PIGO: variants seen among roughly 807,000 people sequenced by gnomAD.
The protein encoded by PIGO is GPI ethanolamine phosphate transferase 3, catalytic subunit.
A neutral mutation model predicts 86.9 loss-of-function variants in PIGO; 66 were observed. That is an observed-to-expected ratio of 0.76 (90% CI 0.62 to 0.93). PIGO has a LOEUF of 0.93. PIGO is among the 40% of genes least tolerant of loss of function. The pLI is 0.00. For synonymous variants in PIGO, 570 were observed against 556.4 expected, an observed-to-expected ratio of 1.02 and a Z score of -0.34; for missense variants, 1,202 against 1,359.1, an observed-to-expected ratio of 0.88 and a Z score of 1.82.
rs752370056 is a variant in PIGO at position 35,092,111 on chromosome 9, G to C, written c.1776C>G (p.Gly592=). 6.8e-6 allele frequency: 11 copies of C among 1,614,100 alleles called. No homozygotes were observed. In the African/African-American group the frequency reaches 1.5e-4, roughly 22 times the overall value. Residue 592 remains glycine, a synonymous_variant, in exon 7 of 11, where the codon GGC becomes GGG. Transcript: ENST00000378617. ...LLLVVQLHWE[G]QLLPPKLLTM... is the part of the protein sequence containing the mutation. ...TGAGTAGCTTAGGTGGAAGCAGCTG[G>C]CCCTCCCAGTGAAGCTGGACAACCA...
Position 35,095,501 on chromosome 9 carries a change from G to A in PIGO, c.65C>T (p.Ala22Val). ...WVCFLFYAGI[A>V]LFTSGFLLTR... ...GAGCAGGAAGCCACTGGTGAAGAGG[G>A]CAATGCCAGCGTAGAAGAGGAAGCA... is the stretch of plus-strand genomic sequence containing the variant. The change falls in exon 2 of 11, where the codon GCC (alanine) becomes GTC (valine). Residue 22 changes from alanine (A) to valine (V), a missense_variant. By Grantham distance (64) the Ala-to-Val change is moderately conservative. Coordinates refer to ENST00000378617, the MANE Select transcript of PIGO (RefSeq NM_032634.4). 5 of 1,610,972 alleles carry A rather than the reference G, an allele frequency of 3.1e-6. No homozygotes were observed. The highest frequency in any genetic ancestry group is 1.1e-5 in the South Asian group (1 of 90,874).
chr9:35,095,262 C>T lies in PIGO; in HGVS notation c.304G>A (p.Gly102Ser), dbSNP rs1829615914. The change falls in exon 2 of 11, where the codon GGC (glycine) becomes AGC (serine). Residue 102 changes from glycine (G) to serine (S), a missense_variant. Coordinates refer to ENST00000378617, the MANE Select transcript of PIGO (RefSeq NM_032634.4). ...ATCCTCTGCAAGGAGCTTAGTTTGCCCAGGAAGGGTAGGGAGACAGGAGGC... is the reference window on the plus strand; with the variant it reads ...ATCCTCTGCAAGGAGCTTAGTTTGCTCAGGAAGGGTAGGGAGACAGGAGGC... ...REPPVSLPFL[G>S]KLSSLQRILE... The T allele has an allele frequency of 1.2e-6, 2 of 1,614,080 alleles. No individual in the cohort carries two copies. Among genetic ancestry groups the T allele is most frequent in the Non-Finnish European group, 1.7e-6 (2 of 1,180,010 alleles).
At position 35,093,998 on chromosome 9, in the gene PIGO, T is replaced by C. The variant is rs1478971715; in HGVS notation, c.682A>G (p.Ile228Val). Residue 228 changes from isoleucine (I) to valine (V), a missense_variant, in exon 4 of 11, where the codon ATT (isoleucine) becomes GTT (valine). Physicochemically the swap from Ile to Val is conservative, Grantham distance 29. Transcript: ENST00000378617. ...TMDSGEWDVL[I>V]AHFLGVDHCG... ...TGGTCCACACCCAGGAAGTGAGCAA[T>C]CAGCACGTCCCATTCACCACTGTCC... 1 of 1,614,076 alleles carries C rather than the reference T, an allele frequency of 6.2e-7. No homozygotes were observed. Among genetic ancestry groups the C allele is most frequent in the Non-Finnish European group, 8.5e-7 (1 of 1,180,022 alleles).
Position 35,093,127 on chromosome 9 carries a change from C to A in PIGO, c.1022G>T (p.Gly341Val), listed in dbSNP as rs747998691. 1.2e-6 allele frequency: 2 copies of A among 1,614,196 alleles called. No homozygotes were observed. The highest frequency in any genetic ancestry group is 4.5e-5 in the East Asian group (2 of 44,882). ...LGLPIPFGNI[G>V]EVMAELFSGG... Reference sequence around the variant, plus strand: ...TGAGAATAGCTCAGCCATCACTTCCCCGATATTCCCAAATGGGATGGGCAG... The same window carrying A: ...TGAGAATAGCTCAGCCATCACTTCCACGATATTCCCAAATGGGATGGGCAG... Residue 341 changes from glycine to valine, a missense_variant, in exon 6 of 11, where the codon GGG (glycine) becomes GTG (valine). Coordinates refer to ENST00000378617, the MANE Select transcript of PIGO (RefSeq NM_032634.4).
rs1829682227 is a variant in PIGO at position 35,096,544 on chromosome 9, G to A, written c.-391C>T. On this transcript the variant is annotated 5_prime_UTR_variant, in exon 1 of 11. Coordinates refer to ENST00000378617, the MANE Select transcript of PIGO (RefSeq NM_032634.4). ...GGGAATACCGGGGGGTGAGGTTCTC[G>A]GGAGACCCTGGCTCACCTGCAATGG... The A allele has an allele frequency of 2.0e-5, 3 of 153,008 alleles. No individual in the cohort carries two copies. The Admixed American group carries it at 2.0e-4, about 10-fold the overall frequency. The allele number at this position is 153,008 out of a possible 1,614,324, so 9.5% of individuals were successfully genotyped here. A position where few individuals can be genotyped will look rare whatever the true frequency, so the allele number is the denominator to read the frequency against.
In PIGO at chr9:35,088,840, C is replaced by T. The variant is rs977582480; in HGVS notation, c.*252G>A. On this transcript the variant is annotated 3_prime_UTR_variant, in exon 11 of 11. Transcript: ENST00000378617. ...GATTATAGGTGCAAGTCACCACGCC[C>T]GGCCTATTTTATTCCACTTCGGAGA... 2.1e-5 allele frequency: 9 copies of T among 419,316 alleles called. No homozygotes were observed. The highest frequency in any genetic ancestry group is 3.8e-5 in the Admixed American group (1 of 25,978). 26.0% of individuals were successfully genotyped at this position (419,316 alleles called of 1,614,324 possible). A position where few individuals can be genotyped will look rare whatever the true frequency, so the allele number is the denominator to read the frequency against.
chr9:35,094,939 T>G, intron 2 of PIGO, 116 bp downstream of exon 2: 1 of 1,371,418 alleles, frequency 7.3e-7, no homozygotes. Context: ...TTCTCCTCTG[T>G]CCCCCTACAC....
chr9:35,093,676 A>G, intron 4 of PIGO, 96 bp from the exon 5 acceptor site: 2 of 1,448,424 alleles, frequency 1.4e-6, no homozygotes, highest in African/African-American at 1.4e-5. Flanking sequence ...ATCCCCAGCT[A>G]TAACTCCATT....
chr9:35,089,479 C>T, intron 9 of PIGO, 29 bp from the exon 10 acceptor site: 1 of 1,613,948 alleles, frequency 6.2e-7, no homozygotes, highest in Non-Finnish European at 8.5e-7. Context: ...GGCCACGTTA[C>T]TTGTGAAGGA....
rs149439295 is a variant in PIGO at position 35,089,402 on chromosome 9, C to T, written c.3118G>A (p.Val1040Ile). ...CACTTAGGGGCAAACACTTTCCAGA[C>T]CATGAGATGCCTGCGAAGGATGGAG... ...AASILRRHLMVWKVFAPKFIF... is the reference protein window; with the variant it reads ...AASILRRHLMIWKVFAPKFIF... Residue 1040 changes from valine (V) to isoleucine (I), a missense_variant, in exon 10 of 11, where the codon GTC (valine) becomes ATC (isoleucine). Val to Ile is a conservative substitution (Grantham distance 29, BLOSUM62 3). Transcript: ENST00000378617. 2.0e-4 allele frequency: 317 copies of T among 1,614,056 alleles called. 1 individual carries two copies. The highest frequency in any genetic ancestry group is 1.1e-4 in the South Asian group (10 of 91,086).
Position 35,091,533 on chromosome 9 carries a change from C to T in PIGO, c.2354G>A (p.Gly785Asp), listed in dbSNP as rs894866706. 7.4e-6 allele frequency: 12 copies of T among 1,614,124 alleles called. No individual in the cohort carries two copies. The highest frequency in any genetic ancestry group is 1.0e-5 in the Non-Finnish European group (12 of 1,180,024). ...RTRTVLTPFS[G>D]PPTSQADLDY... is the part of the protein sequence containing the mutation. ...CAAGTCAGCTTGAGAAGTGGGGGGG[C>T]CTGAGAAGGGAGTGAGGACAGTCCT... The change falls in exon 7 of 11, where the codon GGC (glycine) becomes GAC (aspartate). Residue 785 changes from glycine to aspartate, a missense_variant. Physicochemically the swap from Gly to Asp is moderately conservative, Grantham distance 94. Transcript: ENST00000378617.
In PIGO at chr9:35,092,598, T is replaced by G; in HGVS notation, c.1289A>C (p.Gln430Pro). The G allele has an allele frequency of 6.2e-7, 1 of 1,614,246 alleles. No homozygotes were observed. The highest frequency in any genetic ancestry group is 1.7e-5 in the Admixed American group (1 of 60,036). The change falls in exon 7 of 11, where the codon CAG (glutamine) becomes CCG (proline). Residue 430 changes from glutamine (Q) to proline (P), a missense_variant. By Grantham distance (76) the Gln-to-Pro change is moderately conservative. Coordinates refer to ENST00000378617, the MANE Select transcript of PIGO (RefSeq NM_032634.4). ...TLPTVIAELQQFLRGARAMCI... is the reference protein window; with the variant it reads ...TLPTVIAELQPFLRGARAMCI... ...CATGGCCCGAGCTCCCCGCAGGAAC[T>G]GCTGCAGCTCAGCAATCACAGTCGG...
At chr9:35,092,944 T>G in intron 6 of PIGO, 86 bp downstream of exon 6, 1 of 1,469,494 alleles carries the variant, frequency 6.8e-7, no homozygotes. Context: ...GGACTAAGAC[T>G]AGTCAAAGGA....
In PIGO at chr9:35,095,374, A is replaced by G. The variant is rs776623590; in HGVS notation, c.192T>C (p.Ala64=). 6.2e-7 allele frequency: 1 copy of G among 1,614,160 alleles called. No individual in the cohort carries two copies. The highest frequency in any genetic ancestry group is 1.1e-5 in the South Asian group (1 of 91,084). ...CCAACACAACCCGCGAAAATCGGGA[A>G]GCCATCCAGCAGGCCCCAGGTTTCC... ...SQGKPGACWM[A]SRFSRVVLVL... is the part of the protein sequence containing the mutation. The change falls in exon 2 of 11, where the codon GCT becomes GCC. Residue 64 remains alanine (A), a synonymous_variant. Coordinates refer to ENST00000378617, the MANE Select transcript of PIGO (RefSeq NM_032634.4).
Position 35,091,788 on chromosome 9 carries a change from G to A in PIGO, c.2099C>T (p.Pro700Leu). 1.2e-6 allele frequency: 2 copies of A among 1,612,812 alleles called. No homozygotes were observed. The highest frequency in any genetic ancestry group is 8.5e-7 in the Non-Finnish European group (1 of 1,180,032). ...CAGTCCCCAGCGCACAAAGAGCATG[G>A]GTGGCTCGGGGCTCTTGAGATTACC... Reference protein sequence around the residue: ...RYGNLKSPEPPMLFVRWGLPL... With the variant: ...RYGNLKSPEPLMLFVRWGLPL... Residue 700 changes from proline (P) to leucine (L), a missense_variant, in exon 7 of 11, where the codon CCC becomes CTC. Pro to Leu is a moderately conservative substitution (Grantham distance 98). Transcript: ENST00000378617.
Position 35,091,414 on chromosome 9 carries a change from C to G in PIGO, c.2473G>C (p.Ala825Pro), listed in dbSNP as rs1211525561. 1 of 1,614,084 alleles carries G rather than the reference C, an allele frequency of 6.2e-7. No homozygotes were observed. The highest frequency in any genetic ancestry group is 1.3e-5 in the African/African-American group (1 of 74,940). ...TKSQGPLTVA[A>P]YQLGSVYSAA... ...GAGTAGACACTCCCCAACTGATAAG[C>G]AGCCACAGTCAGGGGACCCTGAGAT... The change falls in exon 7 of 11, where the codon GCT (alanine) becomes CCT (proline). Residue 825 changes from alanine (A) to proline (P), a missense_variant. Ala to Pro is a conservative substitution (Grantham distance 27). Transcript: ENST00000378617.
Position 35,091,815 on chromosome 9 carries a change from T to C in PIGO, c.2072A>G (p.Tyr691Cys), listed in dbSNP as rs1829435005. ...TGGCTCGGGGCTCTTGAGATTACCATAGCGGCGAAGCCACAAGCGCACGGC... is the reference window on the plus strand; with the variant it reads ...TGGCTCGGGGCTCTTGAGATTACCACAGCGGCGAAGCCACAAGCGCACGGC... ...LAAVRLWLRR[Y>C]GNLKSPEPPM... The change falls in exon 7 of 11, where the codon TAT becomes TGT. Residue 691 changes from tyrosine (Y) to cysteine (C), a missense_variant. Tyr to Cys is a radical substitution (Grantham distance 194, BLOSUM62 -2). Coordinates refer to ENST00000378617, the MANE Select transcript of PIGO (RefSeq NM_032634.4). The C allele has an allele frequency of 2.5e-6, 4 of 1,613,564 alleles. No individual in the cohort carries two copies. The highest frequency in any genetic ancestry group is 3.4e-6 in the Non-Finnish European group (4 of 1,180,006).
rs949792989 is a variant in PIGO at position 35,096,532 on chromosome 9, G to C, written c.-379C>G. The stretch of plus-strand genomic sequence containing the variant: ...CTTCAGGGTGAGGGGAATACCGGGG[G>C]GTGAGGTTCTCGGGAGACCCTGGCT... On this transcript the variant is annotated 5_prime_UTR_variant, in exon 1 of 11. Transcript: ENST00000378617. 1.3e-5 allele frequency: 2 copies of C among 152,734 alleles called. No homozygotes were observed. The highest frequency in any genetic ancestry group is 2.9e-5 in the Non-Finnish European group (2 of 68,456). 9.5% of individuals were successfully genotyped at this position (152,734 alleles called of 1,614,324 possible). A position where few individuals can be genotyped will look rare whatever the true frequency, so the allele number is the denominator to read the frequency against.
At chr9:35,095,662 C>T in intron 1 of PIGO, 96 bp from the exon 2 acceptor site, 1 of 1,364,012 alleles carries the variant, frequency 7.3e-7, no homozygotes, top group Non-Finnish European at 9.7e-7. Flanking sequence ...TCACTTCCTC[C>T]CGGAAACCTT....
Sources: allele counts gnomAD v4.1 joint callset, GRCh38; gene constraint gnomAD v4.1.1; transcripts MANE v1.5; gene names NCBI Gene and HGNC (gene_info 2026-07-23, HGNC 2026-07-21).